GRIN2B: variants seen among roughly 807,000 people sequenced by gnomAD.
GRIN2B encodes glutamate ionotropic receptor NMDA type subunit 2B.
Under a neutral mutation model 114.5 loss-of-function variants are expected in GRIN2B, and 5 were observed. The observed-to-expected ratio is 0.04, with a 90% CI of 0.02 to 0.09. The LOEUF (loss-of-function observed/expected upper bound fraction) is 0.09, where lower values mean the gene tolerates loss of function less well. Among genes scored for constraint, GRIN2B ranks in the 10% least tolerant of loss-of-function variants. GRIN2B has a pLI of 1.00. For missense variants in GRIN2B, 1,108 were observed against 1,943.5 expected, an observed-to-expected ratio of 0.57 and a Z score of 8.08; for synonymous variants, 787 against 745.1, an observed-to-expected ratio of 1.06 and a Z score of -0.92.
intron 2 of GRIN2B, among the ~76,000 whole-genome samples, chr12:13,945,405 A>G (rs1011055824): frequency 6.6e-6 from 1 of 152,170 alleles, no homozygotes; most frequent in African/African-American, 2.4e-5. Flanking sequence ...GTCACACTGC[A>G]GGGTGTTACT....
chr12:13,950,864 T>A (rs1295811759), intron 2 of GRIN2B, among the ~76,000 whole-genome samples: 1 of 152,112 alleles, frequency 6.6e-6, no homozygotes, highest in Non-Finnish European at 1.5e-5. Context: ...ACCTCCAGAA[T>A]CCCTATCAGA....
At chr12:13,567,401 A>G in intron 12 of GRIN2B, 138 bp from the exon 13 acceptor site, 1 of 668,148 alleles carries the variant, frequency 1.5e-6, no homozygotes. Flanking sequence ...AAAAGAAAGG[A>G]AATGAATAAA....
intron 2 of GRIN2B, among the ~76,000 whole-genome samples, chr12:13,969,894 C>T (rs770517133): frequency 6.6e-6 from 1 of 152,216 alleles, no homozygotes; most frequent in Non-Finnish European, 1.5e-5. Flanking sequence ...TCCAGACAGT[C>T]CAGGCTGGAG....
intron 3 of GRIN2B, among the ~76,000 whole-genome samples, chr12:13,843,609 G>T (rs1457445457): frequency 6.6e-6 from 1 of 152,126 alleles, no homozygotes; most frequent in Non-Finnish European, 1.5e-5. Context: ...AGAACAGCTG[G>T]TAGTTGATAA....
chr12:13,573,166 T>C (rs1174565559), intron 10 of GRIN2B, among the ~76,000 whole-genome samples: 1 of 149,452 alleles, frequency 6.7e-6, no homozygotes, highest in Non-Finnish European at 1.5e-5. Context: ...AAGAAGTGCT[T>C]GGCGGTCGGG....
At chr12:13,624,559 T>C (rs1035527225) in intron 5 of GRIN2B, among the ~76,000 whole-genome samples, 3 of 152,198 alleles carry the variant, frequency 2.0e-5, no homozygotes, top group Non-Finnish European at 2.9e-5. Context: ...GGTTTAGAAA[T>C]CTAGTTTTTG....
intron 5 of GRIN2B, among the ~76,000 whole-genome samples, chr12:13,669,101 A>G (rs146573775): frequency 2.4e-4 from 36 of 152,066 alleles, no homozygotes; most frequent in African/African-American, 8.4e-4. Flanking sequence ...ACAGAGAGAC[A>G]AGGACATATA....
Position 13,564,523 on chromosome 12 carries a change from G to A in GRIN2B, c.2715C>T (p.Ala905=), listed in dbSNP as rs568858172. ...HSNILRLLRT[A]KNMANLSGVN... Reference sequence around the variant, plus strand: ...CACCAGACAGGTTAGCCATGTTCTTGGCCGTGCGCAGCAGGCGCAGGATGT... The same window carrying A: ...CACCAGACAGGTTAGCCATGTTCTTAGCCGTGCGCAGCAGGCGCAGGATGT... Residue 905 remains alanine, a synonymous_variant, in exon 14 of 14, where the codon GCC becomes GCT. Coordinates refer to ENST00000609686, the MANE Select transcript of GRIN2B (RefSeq NM_000834.5). The surrounding 1 kb of genome is among the most constrained non-coding windows in gnomAD (Gnocchi z 4.8). 7 of 1,614,198 alleles carry A rather than the reference G, an allele frequency of 4.3e-6. No homozygotes were observed. In the African/African-American group the frequency reaches 8.0e-5, roughly 18 times the overall value.
rs1192784294 is a variant in GRIN2B, at chr12:13,559,575, C to CCTAA, written c.*3204_*3207dup. The CCTAA allele has an allele frequency of 1.3e-5, 2 of 152,354 alleles. No individual in the cohort carries two copies. Among genetic ancestry groups the CCTAA allele is most frequent in the East Asian group, 1.9e-4 (1 of 5,188 alleles). The allele number at this position is 152,354 out of a possible 1,614,324, so 9.4% of individuals were successfully genotyped here. ...ACATACCCACCCTCCCACGTCTAAA[C>CCTAA]CTAACTTCAGCAATCTTGCTAAGGG... is the stretch of plus-strand genomic sequence containing the variant. On this transcript the variant is annotated 3_prime_UTR_variant, in exon 14 of 14. Coordinates refer to ENST00000609686, the MANE Select transcript of GRIN2B (RefSeq NM_000834.5).
intron 3 of GRIN2B, among the ~76,000 whole-genome samples, chr12:13,766,946 C>G (rs1489892432): frequency 1.3e-5 from 2 of 152,102 alleles, no homozygotes; most frequent in East Asian, 3.9e-4. Context: ...AATTTAAATC[C>G]AAGCAACTCA....
intron 3 of GRIN2B, among the ~76,000 whole-genome samples, chr12:13,853,371 T>C (rs11832404): frequency 0.058 from 8,792 of 152,312 alleles, 336 homozygotes; most frequent in African/African-American, 0.11. Context: ...TTACTACCTT[T>C]GAAAAGTTAA....
intron 2 of GRIN2B, among the ~76,000 whole-genome samples, chr12:13,894,299 A>G (rs1027391308): frequency 1.3e-5 from 2 of 152,180 alleles, no homozygotes; most frequent in African/African-American, 2.4e-5. Context: ...TTGCAACATC[A>G]TTTATAATAG....
chr12:13,727,746 C>T (rs1468337324), intron 4 of GRIN2B, among the ~76,000 whole-genome samples: 1 of 152,192 alleles, frequency 6.6e-6, no homozygotes, highest in Non-Finnish European at 1.5e-5. Context: ...GCTGTGATCA[C>T]TGCTGGGAAG....
intron 3 of GRIN2B, among the ~76,000 whole-genome samples, chr12:13,825,496 T>TTTTGTG (rs375940899): frequency 1.6e-5 from 2 of 122,994 alleles, no homozygotes; most frequent in Non-Finnish European, 3.3e-5. Flanking sequence ...TATATATATT[T>TTTTGTG]TGTGTGTGTG....
chr12:13,567,013 C>G lies in GRIN2B; in HGVS notation c.2598+12G>C. On this transcript the variant is annotated intron_variant, in intron 13 of 13. Transcript: ENST00000609686. ...CCTAACAAGCTTTAGGCATTTAAATCAAAACACTTACTCTGCTGATGGAGA... is the reference window on the plus strand; with the variant it reads ...CCTAACAAGCTTTAGGCATTTAAATGAAAACACTTACTCTGCTGATGGAGA... 6.3e-7 allele frequency: 1 copy of G among 1,590,286 alleles called. No homozygotes were observed. Among genetic ancestry groups the G allele is most frequent in the Non-Finnish European group, 8.6e-7 (1 of 1,158,226 alleles).
chr12:13,929,081 G>A (rs937177590), intron 2 of GRIN2B, among the ~76,000 whole-genome samples: 5 of 152,150 alleles, frequency 3.3e-5, no homozygotes, highest in African/African-American at 9.7e-5. Flanking sequence ...AGTAAGTATA[G>A]AGCTAGGTCC....
At chr12:13,829,934 G>A (rs796764796) in intron 3 of GRIN2B, among the ~76,000 whole-genome samples, 1 of 152,180 alleles carries the variant, frequency 6.6e-6, no homozygotes, top group South Asian at 2.1e-4. Flanking sequence ...GAGTGAAGTG[G>A]TAAAGTGAGC....
chr12:13,921,616 G>C (rs1866825643), intron 2 of GRIN2B, among the ~76,000 whole-genome samples: 1 of 152,130 alleles, frequency 6.6e-6, no homozygotes, highest in Non-Finnish European at 1.5e-5. Context: ...TGTTCCCTAA[G>C]AAGGGATTTC....
intron 5 of GRIN2B, among the ~76,000 whole-genome samples, chr12:13,660,241 C>T (rs1334522989): frequency 6.6e-6 from 1 of 152,122 alleles, no homozygotes; most frequent in African/African-American, 2.4e-5. Flanking sequence ...CACACACAGG[C>T]ATGAATAACA....
Sources: gnomAD v4.1 joint callset for allele counts (sites outside exome capture counted in the v4.1 genomes callset) on GRCh38, gnomAD v4.1.1 for gene constraint, Gnocchi (gnomAD v3.1) non-coding constraint, MANE v1.5 for transcripts, NCBI Gene and HGNC (gene_info 2026-07-23, HGNC 2026-07-21) for gene names.